EPHA3: variants seen among roughly 807,000 people sequenced by gnomAD.
EPHA3 encodes ephrin type-A receptor 3.
Under a neutral mutation model 107.1 loss-of-function variants are expected in EPHA3, and 42 were observed. The observed-to-expected ratio is 0.39, with a 90% CI of 0.31 to 0.51. EPHA3 has a LOEUF of 0.51. Ranked by LOEUF, EPHA3 falls within the 20% of genes least tolerant of loss-of-function variation. The pLI, the probability that EPHA3 is intolerant of heterozygous loss-of-function variation, is 0.78. For synonymous variants in EPHA3, 461 were observed against 424.8 expected, an observed-to-expected ratio of 1.09 and a Z score of -1.05; for missense variants, 1,183 against 1,211.2, an observed-to-expected ratio of 0.98 and a Z score of 0.35.
At chr3:89,296,931 C>G (rs1706367797) in intron 3 of EPHA3, among the ~76,000 whole-genome samples, 1 of 152,126 alleles carries the variant, frequency 6.6e-6, no homozygotes, top group Non-Finnish European at 1.5e-5. Context: ...ATGCAGATAG[C>G]TTCTTTCTTT....
chr3:89,410,284 A>G (rs1709133686), intron 9 of EPHA3, among the ~76,000 whole-genome samples: 1 of 152,034 alleles, frequency 6.6e-6, no homozygotes. Flanking sequence ...CAAATTATTT[A>G]GTAATAGTAG....
intron 5 of EPHA3, among the ~76,000 whole-genome samples, chr3:89,387,101 A>G (rs1405764735): frequency 6.6e-6 from 1 of 152,108 alleles, no homozygotes; most frequent in Non-Finnish European, 1.5e-5. Flanking sequence ...ATGAGTTAAG[A>G]CTTTGGGGAC....
At chr3:89,269,468 G>A (rs1170896010) in intron 3 of EPHA3, among the ~76,000 whole-genome samples, 2 of 151,820 alleles carry the variant, frequency 1.3e-5, no homozygotes, top group Non-Finnish European at 2.9e-5. Context: ...TAGACACAGG[G>A]TACTGCTTTG....
intron 3 of EPHA3, among the ~76,000 whole-genome samples, chr3:89,237,778 C>T (rs970940046): frequency 6.6e-6 from 1 of 151,722 alleles, no homozygotes; most frequent in Non-Finnish European, 1.5e-5. Flanking sequence ...GCAGCCTGGG[C>T]AACAAAGCAA....
intron 5 of EPHA3, among the ~76,000 whole-genome samples, chr3:89,392,559 T>G (rs114761091): frequency 6.6e-6 from 1 of 152,150 alleles, no homozygotes; most frequent in Non-Finnish European, 1.5e-5. Context: ...CCTGTAGCTC[T>G]CAGCATTTTT....
chr3:89,118,101 G>T lies in EPHA3; in HGVS notation c.89-9108G>T, dbSNP rs372509704. Among the ~76,000 whole-genome samples the T allele has an allele frequency of 2.6e-5, 4 of 151,780 alleles. No individual in the cohort carries two copies. In the South Asian group the frequency reaches 8.3e-4, roughly 32 times the overall value. ...TCTCTTGGTTTACTTTTACTATCTG[G>T]TTTACTATAGATAATTTAATACTCA... On this transcript the variant is annotated intron_variant, in intron 1 of 16. Transcript: ENST00000336596.
intron 15 of EPHA3, among the ~76,000 whole-genome samples, chr3:89,452,699 T>C (rs1324891475): frequency 1.3e-5 from 2 of 152,150 alleles, no homozygotes; most frequent in Non-Finnish European, 1.5e-5. Flanking sequence ...TAATTTGATA[T>C]AATCCCTCCT....
intron 2 of EPHA3, among the ~76,000 whole-genome samples, chr3:89,159,879 C>T (rs1287497446): frequency 1.3e-5 from 2 of 152,030 alleles, no homozygotes; most frequent in African/African-American, 4.8e-5. Context: ...TAAACACCAA[C>T]TAGGCTTTAT....
At chr3:89,299,517 T>A (rs1209430959) in intron 3 of EPHA3, among the ~76,000 whole-genome samples, 1 of 151,728 alleles carries the variant, frequency 6.6e-6, no homozygotes, top group Non-Finnish European at 1.5e-5. Flanking sequence ...ATATAAAAAA[T>A]AAAAAAATTA....
At chr3:89,194,270 A>G (rs1397798333) in intron 2 of EPHA3, among the ~76,000 whole-genome samples, 1 of 151,990 alleles carries the variant, frequency 6.6e-6, no homozygotes, top group Non-Finnish European at 1.5e-5. Context: ...GTAATACTAT[A>G]TTTCTGTATT....
intron 3 of EPHA3, among the ~76,000 whole-genome samples, chr3:89,337,283 A>G (rs965764415): frequency 2.6e-5 from 4 of 152,206 alleles, no homozygotes; most frequent in Non-Finnish European, 5.9e-5. Context: ...ATTTGCTTTC[A>G]ATGATTGATT....
At chr3:89,293,400 CT>C (rs1160157973) in intron 3 of EPHA3, among the ~76,000 whole-genome samples, 1 of 152,076 alleles carries the variant, frequency 6.6e-6, no homozygotes, top group African/African-American at 2.4e-5. Context: ...TGTGCTTTTG[CT>C]GTTATACCTT....
intron 13 of EPHA3, among the ~76,000 whole-genome samples, chr3:89,441,686 A>G (rs1461553413): frequency 6.6e-6 from 1 of 152,196 alleles, no homozygotes; most frequent in Admixed American, 6.5e-5. Context: ...GAATTTGTTA[A>G]GGTGGGAGGT....
At chr3:89,310,241 C>A (rs1025767273) in intron 3 of EPHA3, among the ~76,000 whole-genome samples, 2 of 151,838 alleles carry the variant, frequency 1.3e-5, no homozygotes, top group African/African-American at 2.4e-5. Flanking sequence ...GCATAATAGT[C>A]CATGTGAGTA....
At chr3:89,371,340 T>A (rs1708296245) in intron 5 of EPHA3, among the ~76,000 whole-genome samples, 1 of 151,712 alleles carries the variant, frequency 6.6e-6, no homozygotes, top group African/African-American at 2.4e-5. Context: ...GGAAGATTAC[T>A]CTCTTTACTC....
chr3:89,187,136 T>C (rs914523648), intron 2 of EPHA3, among the ~76,000 whole-genome samples: 2 of 151,642 alleles, frequency 1.3e-5, no homozygotes, highest in Non-Finnish European at 2.9e-5. Flanking sequence ...TCACGAATAT[T>C]TTTATGTTCA....
intron 2 of EPHA3, among the ~76,000 whole-genome samples, chr3:89,180,600 A>G (rs1054494432): frequency 6.6e-6 from 1 of 152,020 alleles, no homozygotes; most frequent in Non-Finnish European, 1.5e-5. Flanking sequence ...GTATAAGGGC[A>G]GCAGTTTAGT....
At chr3:89,459,491 C>CTCCTTCCTTCTCTCCTTCCT (rs1710173773) in intron 15 of EPHA3, among the ~76,000 whole-genome samples, 8 of 126,306 alleles carry the variant, frequency 6.3e-5, no homozygotes, top group African/African-American at 2.4e-4. Flanking sequence ...CCTTCCTTCT[C>CTCCTTCCTTCTCTCCTTCCT]TCCTTCCTTC....
At chr3:89,255,739 A>G (rs1705269609) in intron 3 of EPHA3, among the ~76,000 whole-genome samples, 1 of 151,998 alleles carries the variant, frequency 6.6e-6, no homozygotes, top group Middle Eastern at 3.2e-3. Context: ...CATCCCTAGT[A>G]AAAATACAAA....
Sources: gnomAD v4.1 joint callset for allele counts (sites outside exome capture counted in the v4.1 genomes callset) on GRCh38, gnomAD v4.1.1 for gene constraint, MANE v1.5 for transcripts, NCBI Gene and HGNC (gene_info 2026-07-23, HGNC 2026-07-21) for gene names.